The following HACD2 variants were observed in gnomAD, a reference collection of about 807,000 sequenced individuals.
HACD2 encodes 3-hydroxyacyl-CoA dehydratase 2.
HACD2 carries 15 observed loss-of-function variants against 31.0 expected under a neutral mutation model. The ratio of observed to expected loss-of-function variants is 0.48; its 90% CI spans 0.32 to 0.75. The LOEUF (loss-of-function observed/expected upper bound fraction) is 0.75. HACD2 is among the 30% of genes least tolerant of loss of function. The pLI is 0.03. For synonymous variants in HACD2, 115 were observed against 122.2 expected, an observed-to-expected ratio of 0.94 and a Z score of 0.39; for missense variants, 283 against 313.0, an observed-to-expected ratio of 0.90 and a Z score of 0.72.
chr3:123,494,945 CAT>C lies in HACD2; in HGVS notation c.706_707del (p.Met236AspfsTer12). 1 of 1,558,940 alleles carries C rather than the reference CAT, an allele frequency of 6.4e-7. No individual in the cohort carries two copies. The highest frequency in any genetic ancestry group is 8.7e-7 in the Non-Finnish European group (1 of 1,150,272). On this transcript the variant is annotated frameshift_variant, in exon 7 of 7. Coordinates refer to ENST00000383657, the MANE Select transcript of HACD2 (RefSeq NM_198402.5). LOFTEE classifies it high-confidence loss of function. ...IPIFPQLYFH[M>X]IHQRRKILSH... ...AAAGGATCTTTCTTCTCTGGTGTATCATGTGGAAGTATAACTGGGGAAAAACT... is the reference window on the plus strand; with the variant it reads ...AAAGGATCTTTCTTCTCTGGTGTATCGTGGAAGTATAACTGGGGAAAAACT...
At chr3:123,526,296 A>G (rs2056282501) in intron 4 of HACD2, among the ~76,000 whole-genome samples, 1 of 152,242 alleles carries the variant, frequency 6.6e-6, no homozygotes, top group Non-Finnish European at 1.5e-5. Flanking sequence ...CTACTGCTCT[A>G]AACAAAACGA....
chr3:123,567,639 T>C (rs1260044802), intron 3 of HACD2, 123 bp downstream of exon 3: 1 of 621,206 alleles, frequency 1.6e-6, no homozygotes, highest in Non-Finnish European at 2.5e-6. Context: ...AGCAATTTCA[T>C]ACATGATGAC....
intron 1 of HACD2, among the ~76,000 whole-genome samples, chr3:123,583,944 T>C (rs2056994106): frequency 2.0e-5 from 3 of 152,254 alleles, no homozygotes. Context: ...CTCTTCTGTA[T>C]GTTTGAAATT....
intron 3 of HACD2, among the ~76,000 whole-genome samples, chr3:123,564,299 T>G (rs998506579): frequency 2.0e-5 from 3 of 152,032 alleles, no homozygotes; most frequent in Admixed American, 1.3e-4. Flanking sequence ...TCTCATGCCA[T>G]GAGAAGAGAT....
chr3:123,551,190 C>G (rs368433356), intron 3 of HACD2, among the ~76,000 whole-genome samples: 82 of 152,238 alleles, frequency 5.4e-4, no homozygotes, highest in African/African-American at 1.8e-3. Flanking sequence ...ACCCTTTCGG[C>G]GAAACATTTG....
intron 3 of HACD2, among the ~76,000 whole-genome samples, chr3:123,531,551 G>A (rs1483630074): frequency 2.0e-5 from 3 of 151,934 alleles, no homozygotes; most frequent in African/African-American, 7.3e-5. Context: ...TCATCCACCC[G>A]CTGCCTCGGT....
chr3:123,517,525 A>C (rs1216397116), intron 4 of HACD2, among the ~76,000 whole-genome samples: 1 of 152,208 alleles, frequency 6.6e-6, no homozygotes, highest in Non-Finnish European at 1.5e-5. Flanking sequence ...CTTTAACTCC[A>C]GCAATGATAG....
At chr3:123,573,610 G>A (rs144868586) in intron 2 of HACD2, among the ~76,000 whole-genome samples, 3 of 152,184 alleles carry the variant, frequency 2.0e-5, no homozygotes, top group Non-Finnish European at 4.4e-5. Context: ...CATTTGACTC[G>A]CACACTAAAG....
intron 4 of HACD2, among the ~76,000 whole-genome samples, chr3:123,510,593 T>C (rs539326551): frequency 2.0e-5 from 3 of 152,324 alleles, no homozygotes; most frequent in East Asian, 1.9e-4. Context: ...TGTGGTAATA[T>C]GTATTAGAAT....
chr3:123,513,420 G>A (rs1022781143), intron 4 of HACD2, among the ~76,000 whole-genome samples: 1 of 152,214 alleles, frequency 6.6e-6, no homozygotes, highest in African/African-American at 2.4e-5. Flanking sequence ...ATGCTAACAG[G>A]AGCAGGTGAC....
chr3:123,499,646 G>A (rs1044015582), intron 6 of HACD2: 2 of 456,110 alleles, frequency 4.4e-6, no homozygotes, highest in African/African-American at 4.0e-5. Context: ...TTAACCTGGG[G>A]TTTAGGGAAG....
chr3:123,554,279 C>T (rs1002145290), intron 3 of HACD2, among the ~76,000 whole-genome samples: 3 of 151,758 alleles, frequency 2.0e-5, no homozygotes, highest in Non-Finnish European at 4.4e-5. Flanking sequence ...TAAAAACTGA[C>T]AAGCTTGAGA....
intron 3 of HACD2, among the ~76,000 whole-genome samples, chr3:123,562,976 A>G (rs2056751007): frequency 6.6e-6 from 1 of 152,194 alleles, no homozygotes. Flanking sequence ...GTTATCTCTA[A>G]TTCCTTTAAG....
intron 4 of HACD2, among the ~76,000 whole-genome samples, chr3:123,519,255 T>G (rs1018375009): frequency 6.6e-6 from 1 of 152,132 alleles, no homozygotes; most frequent in Non-Finnish European, 1.5e-5. Context: ...AATCCACACA[T>G]GTACACCAAG....
chr3:123,571,112 A>T (rs2056851408), intron 2 of HACD2, among the ~76,000 whole-genome samples: 1 of 152,212 alleles, frequency 6.6e-6, no homozygotes, highest in African/African-American at 2.4e-5. Context: ...CTTTTCAACT[A>T]AATATGCAAA....
intron 2 of HACD2, among the ~76,000 whole-genome samples, chr3:123,581,531 G>GA (rs1363198607): frequency 6.6e-6 from 1 of 152,166 alleles, no homozygotes; most frequent in Non-Finnish European, 1.5e-5. Flanking sequence ...CATTCAAAGA[G>GA]AAACAGACAA....
intron 6 of HACD2, among the ~76,000 whole-genome samples, chr3:123,495,927 C>G (rs964697652): frequency 6.6e-6 from 1 of 151,812 alleles, no homozygotes; most frequent in Non-Finnish European, 1.5e-5. Context: ...AGCCACCTGG[C>G]CTTCACAAGG....
intron 4 of HACD2, among the ~76,000 whole-genome samples, chr3:123,526,095 T>C (rs1010731123): frequency 2.7e-5 from 4 of 149,056 alleles, no homozygotes; most frequent in South Asian, 2.1e-4. Flanking sequence ...AGGTGACATA[T>C]AGCAAGCACT....
chr3:123,536,988 G>C (rs1343077883), intron 3 of HACD2, among the ~76,000 whole-genome samples: 3 of 152,092 alleles, frequency 2.0e-5, no homozygotes, highest in Non-Finnish European at 4.4e-5. Flanking sequence ...AAAGAACTCA[G>C]GAATGGAGAA....
Sources: gnomAD v4.1 joint callset for allele counts (sites outside exome capture counted in the v4.1 genomes callset) on GRCh38, gnomAD v4.1.1 for gene constraint, MANE v1.5 for transcripts, NCBI Gene and HGNC (gene_info 2026-07-23, HGNC 2026-07-21) for gene names.